The following ABCC9 variants were observed in gnomAD, a reference collection of about 807,000 sequenced individuals.
ABCC9 encodes the protein ATP binding cassette subfamily C member 9, also known as ATP-binding cassette sub-family C member 9.
In ABCC9, 95 loss-of-function variants were observed where a neutral mutation model predicts 188.3. That is an observed-to-expected ratio of 0.50 (90% confidence interval 0.43 to 0.60). ABCC9 has a LOEUF of 0.60. ABCC9 is among the 20% of genes least tolerant of loss of function. The pLI is 0.00. For missense variants in ABCC9, 1,102 were observed against 1,876.3 expected, an observed-to-expected ratio of 0.59 and a Z score of 7.62; for synonymous variants, 659 against 652.7, an observed-to-expected ratio of 1.01 and a Z score of -0.15.
intron 12 of ABCC9, among the ~76,000 whole-genome samples, chr12:21,895,779 C>T (rs1463304496): frequency 6.6e-6 from 1 of 152,058 alleles, no homozygotes; most frequent in African/African-American, 2.4e-5. Context: ...CATTTATGGC[C>T]CTTTCAGTTA....
chr12:21,895,459 C>T (rs1947354230), intron 12 of ABCC9, 144 bp from the exon 13 acceptor site: 5 of 710,736 alleles, frequency 7.0e-6, no homozygotes, highest in African/African-American at 1.8e-5. Flanking sequence ...AGTCCACAAA[C>T]ATTTACCAGT....
intron 29 of ABCC9, among the ~76,000 whole-genome samples, chr12:21,839,039 A>G (rs898815773): frequency 6.6e-6 from 1 of 152,198 alleles, no homozygotes; most frequent in Admixed American, 6.5e-5. Context: ...AATAAAACAG[A>G]AAGAAGGTAA....
chr12:21,913,157 A>C, intron 7 of ABCC9, 91 bp from the exon 8 acceptor site: 1 of 1,143,078 alleles, frequency 8.7e-7, no homozygotes, highest in Non-Finnish European at 1.2e-6. Context: ...ATTCCTTCTT[A>C]TACTTCAAAA....
chr12:21,868,330 T>C (rs1020831555), intron 18 of ABCC9, among the ~76,000 whole-genome samples: 4 of 152,184 alleles, frequency 2.6e-5, no homozygotes, highest in African/African-American at 9.6e-5. Context: ...TGCCTGTGCA[T>C]GAGGACACAT....
chr12:21,936,512 A>T, intron 3 of ABCC9, 21 bp downstream of exon 3: 3 of 1,592,682 alleles, frequency 1.9e-6, no homozygotes, highest in Non-Finnish European at 2.6e-6. Context: ...ATGGTATAAC[A>T]TAAGATACTA....
At chr12:21,882,657 CT>C in intron 16 of ABCC9, 108 bp downstream of exon 16, 8 of 983,944 alleles carry the variant, frequency 8.1e-6, no homozygotes, top group South Asian at 6.9e-5. Context: ...TTAATGACAA[CT>C]GTAAAAACAA....
At chr12:21,878,975 C>A (rs562366995) in intron 16 of ABCC9, among the ~76,000 whole-genome samples, 1 of 152,218 alleles carries the variant, frequency 6.6e-6, no homozygotes, top group South Asian at 2.1e-4. Flanking sequence ...ATAAATCAGT[C>A]TTTGCAAAGG....
At chr12:21,925,885 T>G in intron 5 of ABCC9, 57 bp downstream of exon 5, 1 of 1,558,394 alleles carries the variant, frequency 6.4e-7, no homozygotes, top group Non-Finnish European at 8.8e-7. Flanking sequence ...AAATAACCCT[T>G]TGGGGGGAAA....
intron 13 of ABCC9, 60 bp from the exon 14 acceptor site, chr12:21,894,234 T>C: frequency 6.3e-7 from 1 of 1,584,260 alleles, no homozygotes; most frequent in Non-Finnish European, 8.7e-7. Flanking sequence ...ATGCGTACAT[T>C]CAGTCCTAGA....
At chr12:21,886,031 A>G (rs1225254392) in intron 15 of ABCC9, among the ~76,000 whole-genome samples, 3 of 152,190 alleles carry the variant, frequency 2.0e-5, no homozygotes, top group Non-Finnish European at 4.4e-5. Context: ...ACATTAACTT[A>G]TGACTCACGG....
intron 11 of ABCC9, among the ~76,000 whole-genome samples, chr12:21,907,617 C>T (rs1373111178): frequency 6.6e-6 from 1 of 152,004 alleles, no homozygotes; most frequent in East Asian, 1.9e-4. Context: ...GCAAGAGCAG[C>T]TGCCACTGAA....
chr12:21,936,335 G>T (rs910639564), intron 3 of ABCC9, among the ~76,000 whole-genome samples, 198 bp downstream of exon 3: 2 of 152,082 alleles, frequency 1.3e-5, no homozygotes, highest in African/African-American at 4.8e-5. Flanking sequence ...GCCTAAGCAA[G>T]CATGTGACCT....
chr12:21,906,149 A>G lies in ABCC9; in HGVS notation c.1595T>C (p.Phe532Ser), dbSNP rs934763013. The G allele has an allele frequency of 2.5e-6, 4 of 1,613,010 alleles. No homozygotes were observed. The African/African-American group carries it at 5.3e-5, about 22-fold the overall frequency. ...RMKELSSLKT[F>S]ALYTSLSIFM... ...ACTGGAGAGTGATGTATATAGTGCA[A>G]AGGTTTTGAGACTAGATAGTTCTTT... Residue 532 changes from phenylalanine to serine, a missense_variant, in exon 12 of 40, where the codon TTT (phenylalanine) becomes TCT (serine). Transcript: ENST00000261200.
chr12:21,898,693 A>C (rs1947556919), intron 12 of ABCC9, among the ~76,000 whole-genome samples: 1 of 152,212 alleles, frequency 6.6e-6, no homozygotes, highest in Non-Finnish European at 1.5e-5. Flanking sequence ...TGACACATAA[A>C]TCAAATCAAA....
intron 31 of ABCC9, chr12:21,827,328 C>G: frequency 1.0e-6 from 1 of 985,292 alleles, no homozygotes; most frequent in Non-Finnish European, 1.2e-6. Flanking sequence ...AGAGCAGAAA[C>G]AGGAGTCGGT....
intron 5 of ABCC9, chr12:21,923,501 T>G: frequency 4.5e-6 from 1 of 220,820 alleles, no homozygotes; most frequent in Non-Finnish European, 8.8e-6. Flanking sequence ...ATCCCAAAGA[T>G]TAAAAATGGC....
intron 4 of ABCC9, among the ~76,000 whole-genome samples, chr12:21,931,715 G>A (rs539755443): frequency 6.6e-6 from 1 of 151,934 alleles, no homozygotes; most frequent in Non-Finnish European, 1.5e-5. Context: ...TTATACATAC[G>A]CATATAAACA....
chr12:21,843,476 T>C (rs1944490760), intron 28 of ABCC9, among the ~76,000 whole-genome samples: 1 of 152,190 alleles, frequency 6.6e-6, no homozygotes, highest in African/African-American at 2.4e-5. Context: ...ACTTCTGGGA[T>C]TGTTGAACAT....
intron 35 of ABCC9, among the ~76,000 whole-genome samples, chr12:21,814,056 G>C (rs1204573439): frequency 6.6e-6 from 1 of 152,064 alleles, no homozygotes; most frequent in Non-Finnish European, 1.5e-5. Flanking sequence ...AAAAGATTAA[G>C]TTATTTCTAC....
Sources: allele counts gnomAD v4.1 joint callset (sites outside exome capture counted in the v4.1 genomes callset), GRCh38; gene constraint gnomAD v4.1.1; transcripts MANE v1.5; gene names NCBI Gene and HGNC (gene_info 2026-07-23, HGNC 2026-07-21).